The following NPEPL1 variants were observed in gnomAD, a reference collection of about 807,000 sequenced individuals.
NPEPL1 encodes the protein aminopeptidase like 1, also known as probable aminopeptidase NPEPL1.
NPEPL1 carries 45 observed loss-of-function variants against 52.4 expected under a neutral mutation model. The observed-to-expected ratio is 0.86, with a 90% confidence interval of 0.68 to 1.10. NPEPL1 has a LOEUF of 1.10. Among genes scored for constraint, NPEPL1 ranks in the 50% least tolerant of loss-of-function variants. The pLI, the probability that NPEPL1 is intolerant of heterozygous loss-of-function variation, is 0.00. For missense variants in NPEPL1, 696 were observed against 710.9 expected, an observed-to-expected ratio of 0.98 and a Z score of 0.24; for synonymous variants, 360 against 314.7, an observed-to-expected ratio of 1.14 and a Z score of -1.52.
At chr20:58,696,704 C>T (rs2084499193) in intron 3 of NPEPL1, among the ~76,000 whole-genome samples, 1 of 152,274 alleles carries the variant, frequency 6.6e-6, no homozygotes, top group Non-Finnish European at 1.5e-5. Context: ...ACTCGCCTTC[C>T]AAAGGCACAT....
chr20:58,707,941 G>A (rs1414573225), intron 7 of NPEPL1, among the ~76,000 whole-genome samples: 1 of 152,188 alleles, frequency 6.6e-6, no homozygotes, highest in Non-Finnish European at 1.5e-5. Context: ...AACTAGCCAG[G>A]CGTGGTGGCG....
chr20:58,707,014 G>A (rs2084747263), intron 6 of NPEPL1, 109 bp from the exon 7 acceptor site: 1 of 1,142,518 alleles, frequency 8.8e-7, no homozygotes, highest in East Asian at 2.6e-5. Context: ...AGGCCTGAGA[G>A]CTGGGGAAGG....
In NPEPL1 at chr20:58,692,827, C is replaced by A; in HGVS notation, c.-74C>A. 1 of 976,844 alleles carries A rather than the reference C, an allele frequency of 1.0e-6. No homozygotes were observed. The highest frequency in any genetic ancestry group is 1.2e-6 in the Non-Finnish European group (1 of 824,814). 60.5% of individuals were successfully genotyped at this position (976,844 alleles called of 1,614,324 possible). On this transcript the variant is annotated 5_prime_UTR_variant, in exon 1 of 12. Coordinates refer to ENST00000356091, the MANE Select transcript of NPEPL1 (RefSeq NM_024663.4). This position sits in a 1 kb window ranked among gnomAD's most constrained non-coding sequence, Gnocchi z 5.7. ...GGCCGGGGCGGTGCCGAGGCCGGGCCGGAGCGGGGCGAAGGGGGCCGAGCG... is the reference window on the plus strand; with the variant it reads ...GGCCGGGGCGGTGCCGAGGCCGGGCAGGAGCGGGGCGAAGGGGGCCGAGCG...
chr20:58,708,201 A>G (rs1025467077), intron 7 of NPEPL1, among the ~76,000 whole-genome samples: 2 of 152,226 alleles, frequency 1.3e-5, no homozygotes, highest in Non-Finnish European at 2.9e-5. Flanking sequence ...TGGAAAAACA[A>G]AAAGGCCTTG....
rs6015346 is a variant in NPEPL1, at chr20:58,713,067, C to T, written c.1002-353C>T. ...CTGAGTGGGCGCCTCCCCGCATCTC[C>T]TGCTCTTCCTCCCCATCTGCCGGGT... On this transcript the variant is annotated intron_variant, in intron 8 of 11. Transcript: ENST00000356091. This position sits in a 1 kb window ranked among gnomAD's most constrained non-coding sequence, Gnocchi z 4.6. 5.6e-6 allele frequency: 2 copies of T among 357,736 alleles called. No homozygotes were observed. The highest frequency in any genetic ancestry group is 1.1e-5 in the Non-Finnish European group (2 of 187,200). The allele number at this position is 357,736 out of a possible 1,614,324, so 22.2% of individuals were successfully genotyped here.
intron 6 of NPEPL1, chr20:58,703,608 TG>T: frequency 1.0e-6 from 1 of 985,344 alleles, no homozygotes; most frequent in African/African-American, 1.7e-5. Flanking sequence ...ATGAGCTTCC[TG>T]GGAATTCATT....
intron 8 of NPEPL1, 59 bp downstream of exon 8, chr20:58,712,638 C>T (rs1321389950): frequency 9.1e-6 from 11 of 1,202,930 alleles, no homozygotes; most frequent in Non-Finnish European, 1.4e-5. Context: ...CCCTTCCCGG[C>T]CTGCAATGCC....
At chr20:58,697,014 G>A (rs1382989336) in intron 3 of NPEPL1, among the ~76,000 whole-genome samples, 4 of 152,208 alleles carry the variant, frequency 2.6e-5, no homozygotes, top group South Asian at 2.1e-4. Context: ...GAACCTTCCA[G>A]TCCCCACCCA....
At chr20:58,712,709 CT>C in intron 8 of NPEPL1, 130 bp downstream of exon 8, 2 of 740,918 alleles carry the variant, frequency 2.7e-6, no homozygotes, top group South Asian at 1.4e-5. Context: ...CAGCAGGCTC[CT>C]TGCTTCCCGG....
intron 6 of NPEPL1, among the ~76,000 whole-genome samples, chr20:58,702,863 C>T (rs147331744): frequency 1.6e-3 from 244 of 152,312 alleles, no homozygotes; most frequent in Non-Finnish European, 2.6e-3. Flanking sequence ...CAGTAAATTC[C>T]AGCAATCACA....
In NPEPL1 at chr20:58,694,517, G is replaced by A. The variant is rs1242819742; in HGVS notation, c.432G>A (p.Leu144=). The A allele has an allele frequency of 6.2e-7, 1 of 1,614,036 alleles. No homozygotes were observed. The highest frequency in any genetic ancestry group is 8.5e-7 in the Non-Finnish European group (1 of 1,179,888). ...FTHRSGASRR[L]EKKTVTVEFF... ...ACCGCTCAGGTGCCTCTCGGCGCTT[G>A]GAGAAGAAGACGGTCACCGTGGAGT... Residue 144 remains leucine, a synonymous_variant, in exon 3 of 12, where the codon TTG becomes TTA. Coordinates refer to ENST00000356091, the MANE Select transcript of NPEPL1 (RefSeq NM_024663.4).
chr20:58,706,459 G>A (rs1189571641), intron 6 of NPEPL1, among the ~76,000 whole-genome samples: 1 of 152,206 alleles, frequency 6.6e-6, no homozygotes, highest in African/African-American at 2.4e-5. Context: ...TAAGTGCCAG[G>A]GAGAGGAAGC....
rs564252318 is a variant in NPEPL1 at position 58,715,446 on chromosome 20, T to G, written c.*120T>G. 49 of 1,133,436 alleles carry G rather than the reference T, an allele frequency of 4.3e-5. No individual in the cohort carries two copies. The South Asian group carries it at 8.5e-4, about 20-fold the overall frequency. The allele number at this position is 1,133,436 out of a possible 1,614,324, so 70.2% of individuals were successfully genotyped here. A position where few individuals can be genotyped will look rare whatever the true frequency, so the allele number is the denominator to read the frequency against. On this transcript the variant is annotated 3_prime_UTR_variant, in exon 12 of 12. Transcript: ENST00000356091. Reference sequence around the variant, plus strand: ...TGGTTTGTCTTTCTGGTCGTCAGCGTGGTGGTGGAAACAGCTGAAGTTTTA... The same window carrying G: ...TGGTTTGTCTTTCTGGTCGTCAGCGGGGTGGTGGAAACAGCTGAAGTTTTA...
chr20:58,694,985 G>GCATGAGTGGTGTGTGTGTGCTGTGTGTA (rs2084433699), intron 3 of NPEPL1, among the ~76,000 whole-genome samples: 1 of 18,204 alleles, frequency 5.5e-5, no homozygotes, highest in Non-Finnish European at 1.3e-4. Context: ...TGTGTTGTAT[G>GCATGAGTGGTGTGTGTGTGCTGTGTGTA]TGTGGGGGGT....
Position 58,713,626 on chromosome 20 carries a change from G to A in NPEPL1, c.1125+83G>A, listed in dbSNP as rs150592916. 8.9e-4 allele frequency: 1,293 copies of A among 1,446,122 alleles called. 7 individuals are homozygous for A. The African/African-American group carries it at 0.016, about 18-fold the overall frequency. 89.6% of individuals were successfully genotyped at this position (1,446,122 alleles called of 1,614,324 possible). On this transcript the variant is annotated intron_variant, in intron 9 of 11. Coordinates refer to ENST00000356091, the MANE Select transcript of NPEPL1 (RefSeq NM_024663.4). The surrounding 1 kb of genome is among the most constrained non-coding windows in gnomAD (Gnocchi z 4.6). ...TTGACCTCAAGGTGGGGAAGGCAGC[G>A]CGTGGGGGCTGCCGTCAGGAAGTTT... is the stretch of plus-strand genomic sequence containing the variant.
chr20:58,705,655 G>A (rs1194346792), intron 6 of NPEPL1: 1 of 429,768 alleles, frequency 2.3e-6, no homozygotes, highest in Non-Finnish European at 4.8e-6. Context: ...AACAACATAT[G>A]GGGGCTGGTG....
upstream of NPEPL1, chr20:58,691,695 T>TTTTTTTTTTTTTTTTTG: frequency 9.0e-6 from 1 of 110,722 alleles, no homozygotes; most frequent in Non-Finnish European, 1.5e-5. Context: ...TTTCTTTTCT[T>TTTTTTTTTTTTTTTTTG]TTTTTTTTTT....
chr20:58,691,708 T>TTTTTTTTTTTTTTTTTTTG, upstream of NPEPL1: 1 of 739,654 alleles, frequency 1.4e-6, no homozygotes, highest in South Asian at 2.0e-5. Context: ...TTTTTTTTTT[T>TTTTTTTTTTTTTTTTTTTG]TTTTTTCATT....
upstream of NPEPL1, chr20:58,689,295 C>G (rs2084309598): frequency 6.6e-6 from 1 of 152,136 alleles, no homozygotes; most frequent in Admixed American, 6.5e-5. Flanking sequence ...GACAGAGTCT[C>G]TGTCCTGCAG....
Sources: gnomAD v4.1 joint callset for allele counts (sites outside exome capture counted in the v4.1 genomes callset) on GRCh38, gnomAD v4.1.1 for gene constraint, Gnocchi (gnomAD v3.1) non-coding constraint, MANE v1.5 for transcripts, NCBI Gene and HGNC (gene_info 2026-07-23, HGNC 2026-07-21) for gene names.